Variants in GGNBP2 observed in about 807,000 individuals in gnomAD.
GGNBP2 encodes gametogenetin binding protein 2.
In GGNBP2, 10 loss-of-function variants were observed where a neutral mutation model predicts 85.9. The observed-to-expected ratio is 0.12, with a 90% CI of 0.07 to 0.20. The LOEUF is 0.20. Among genes scored for constraint, GGNBP2 ranks in the 10% least tolerant of loss-of-function variants. GGNBP2 has a pLI of 1.00. For missense variants in GGNBP2, 595 were observed against 857.8 expected (o/e 0.69, Z 3.83); for synonymous variants, 287 against 285.7 (o/e 1.00, Z -0.05).
At position 36,571,978 on chromosome 17, in the gene GGNBP2, A is replaced by T. The variant is rs139558439; in HGVS notation, c.641+4202A>T. ...GTGGGAGGATCACTTGAGCCCAGGA[A>T]GGTTGAAGGCTGCAGTGAGCCATGA... On this transcript the variant is annotated intron_variant, in intron 6 of 13. Transcript: ENST00000613102. Among the ~76,000 whole-genome samples, 254 of 151,884 alleles carry T rather than the reference A, an allele frequency of 1.7e-3. 4 individuals carry two copies. In the East Asian group the frequency reaches 0.047, roughly 28 times the overall value.
chr17:36,584,126 C>T (rs906442360), intron 9 of GGNBP2, among the ~76,000 whole-genome samples: 3 of 152,192 alleles, frequency 2.0e-5, no homozygotes, highest in Non-Finnish European at 1.5e-5. Flanking sequence ...AGTTGTTGTT[C>T]ATTGTTTCCT....
At chr17:36,584,952 CAA>C (rs34371498) in intron 9 of GGNBP2, among the ~76,000 whole-genome samples, 100 of 122,082 alleles carry the variant, frequency 8.2e-4, no homozygotes, top group East Asian at 9.6e-4. Flanking sequence ...AGACCGTACT[CAA>C]AAAAAAAAAA....
At chr17:36,575,265 C>T in intron 6 of GGNBP2, 1 of 592,698 alleles carries the variant, frequency 1.7e-6, no homozygotes, top group Non-Finnish European at 3.1e-6. Flanking sequence ...CCACGGAAGC[C>T]ACTGCATTTC....
At position 36,581,250 on chromosome 17, in the gene GGNBP2, A is replaced by C. The variant is rs2074646670; in HGVS notation, c.1021-94A>C. The C allele has an allele frequency of 3.8e-6, 3 of 797,472 alleles. No individual in the cohort carries two copies. In the Admixed American group the frequency reaches 7.4e-5, roughly 20 times the overall value. 49.4% of individuals were successfully genotyped at this position (797,472 alleles called of 1,614,324 possible). On this transcript the variant is annotated intron_variant, in intron 8 of 13. Coordinates refer to ENST00000613102, the MANE Select transcript of GGNBP2 (RefSeq NM_024835.5). The stretch of plus-strand genomic sequence containing the variant: ...CAGTGAGCTGAGATCATGCCACTGC[A>C]CTCCAGTCTGGGCGACAGAGCAAGA...
At chr17:36,583,644 G>T (rs1216614920) in intron 9 of GGNBP2, among the ~76,000 whole-genome samples, 10 of 151,848 alleles carry the variant, frequency 6.6e-5, no homozygotes, top group African/African-American at 2.4e-4. Context: ...TGTATTTTTA[G>T]TAGAGATGGG....
intron 6 of GGNBP2, among the ~76,000 whole-genome samples, chr17:36,569,238 C>G (rs1555606367): frequency 6.6e-6 from 1 of 152,012 alleles, no homozygotes; most frequent in African/African-American, 2.4e-5. Context: ...GTGGCGAAAC[C>G]CCGTGTCTAC....
At chr17:36,557,365 G>T (rs1315673208) in intron 4 of GGNBP2, 29 bp downstream of exon 4, 2 of 1,584,842 alleles carry the variant, frequency 1.3e-6, no homozygotes, top group Admixed American at 3.4e-5. Context: ...GAGAAAATGG[G>T]TTTGTTAAAA....
At chr17:36,546,745 AT>A (rs2142663022) in intron 2 of GGNBP2, 1 of 152,290 alleles carries the variant, frequency 6.6e-6, no homozygotes, top group Admixed American at 6.5e-5. Flanking sequence ...TGGATTATAC[AT>A]TTGCTTATTT....
intron 2 of GGNBP2, 83 bp downstream of exon 2, chr17:36,545,900 G>T (rs895391129): frequency 1.0e-6 from 1 of 973,318 alleles, no homozygotes; most frequent in African/African-American, 1.6e-5. Context: ...CGAGCGCTGC[G>T]CACTGGAGAA....
chr17:36,587,033 A>G lies in GGNBP2; in HGVS notation c.1678A>G (p.Asn560Asp), dbSNP rs745873288. 189 of 1,613,632 alleles carry G rather than the reference A, an allele frequency of 1.2e-4. No homozygotes were observed. The highest frequency in any genetic ancestry group is 1.6e-4 in the Non-Finnish European group (184 of 1,179,832). The change falls in exon 13 of 14, where the codon AAT becomes GAT. Residue 560 changes from asparagine to aspartate, a missense_variant. By Grantham distance (23) the Asn-to-Asp change is conservative. Around this residue, in one of 9 missense-constraint regions of GGNBP2, gnomAD observed 120 missense variants for 126.3 expected, o/e 0.95. Coordinates refer to ENST00000613102, the MANE Select transcript of GGNBP2 (RefSeq NM_024835.5). ...KLGSCITDPG[N>D]RETSGNTMHT... ...TGGAAGCTGTATTACAGATCCAGGT[A>G]ATCGAGAGACCTCAGGAAATACCAT...
At chr17:36,580,193 CTTTCT>C (rs200097299) in intron 8 of GGNBP2, among the ~76,000 whole-genome samples, 2,973 of 149,112 alleles carry the variant, frequency 0.02, 81 homozygotes, top group East Asian at 0.088. Context: ...ATTTTTCTTT[CTTTCT>C]TTTCTTTTCT....
intron 9 of GGNBP2, among the ~76,000 whole-genome samples, chr17:36,583,298 C>G (rs888027071): frequency 6.6e-6 from 1 of 151,974 alleles, no homozygotes; most frequent in African/African-American, 2.4e-5. Context: ...GTGATCCGCC[C>G]GCCTCAGCCT....
At chr17:36,575,114 T>TCCAGGA in intron 6 of GGNBP2, 1 of 762,876 alleles carries the variant, frequency 1.3e-6, no homozygotes, top group Middle Eastern at 3.5e-4. Context: ...CTCCAGGGAC[T>TCCAGGA]TGATCTTCAT....
intron 7 of GGNBP2, 77 bp from the exon 8 acceptor site, chr17:36,579,168 C>G (rs2074620053): frequency 3.1e-6 from 4 of 1,275,794 alleles, no homozygotes; most frequent in Non-Finnish European, 4.5e-6. Context: ...GTGTTTAAAA[C>G]CTGAACTTGC....
At chr17:36,578,996 A>G (rs2142768986) in intron 7 of GGNBP2, 1 of 435,168 alleles carries the variant, frequency 2.3e-6, no homozygotes, top group East Asian at 4.0e-5. Flanking sequence ...CCTAAAACCC[A>G]TCTTTTTAGA....
Position 36,557,069 on chromosome 17 carries a change from T to C in GGNBP2, c.175-14T>C, listed in dbSNP as rs756623266. On this transcript the variant is annotated splice_polypyrimidine_tract_variant and intron_variant, in intron 3 of 13. Transcript: ENST00000613102. Reference sequence around the variant, plus strand: ...TTTTAAAGGACACTCTTTCATTTTCTTTCCCTCTTTCAGCGACATGGTATG... The same window carrying C: ...TTTTAAAGGACACTCTTTCATTTTCCTTCCCTCTTTCAGCGACATGGTATG... The C allele has an allele frequency of 6.2e-7, 1 of 1,613,650 alleles. No homozygotes were observed. The highest frequency in any genetic ancestry group is 8.5e-7 in the Non-Finnish European group (1 of 1,179,646).
chr17:36,575,648 A>ATATATATATAT (rs374366757), intron 6 of GGNBP2, among the ~76,000 whole-genome samples: 16 of 54,910 alleles, frequency 2.9e-4, no homozygotes, highest in African/African-American at 1.3e-3. Flanking sequence ...ATATATATAT[A>ATATATATATAT]TTTTTTTTTT....
intron 6 of GGNBP2, among the ~76,000 whole-genome samples, chr17:36,572,594 C>G (rs954302035): frequency 6.6e-6 from 1 of 151,904 alleles, no homozygotes; most frequent in East Asian, 1.9e-4. Context: ...GTGGATGAGG[C>G]GGGGAGGGTC....
chr17:36,552,277 T>G (rs901335577), intron 2 of GGNBP2, among the ~76,000 whole-genome samples: 1 of 152,246 alleles, frequency 6.6e-6, no homozygotes, highest in Non-Finnish European at 1.5e-5. Context: ...AAAATATGAG[T>G]TAATTGAACT....
Sources: allele counts gnomAD v4.1 joint callset (sites outside exome capture counted in the v4.1 genomes callset), GRCh38; gene constraint gnomAD v4.1.1; regional missense constraint gnomAD v4.1.1; transcripts MANE v1.5; gene names NCBI Gene and HGNC (gene_info 2026-07-23, HGNC 2026-07-21).